HSPG2: variants seen among roughly 807,000 people sequenced by gnomAD.
HSPG2 encodes the protein heparan sulfate proteoglycan 2, also known as basement membrane-specific heparan sulfate proteoglycan core protein.
HSPG2 carries 278 observed loss-of-function variants against 526.6 expected under a neutral mutation model. The observed-to-expected ratio is 0.53, with a 90% CI of 0.48 to 0.58. HSPG2 has a LOEUF of 0.58. Among genes scored for constraint, HSPG2 ranks in the 20% least tolerant of loss-of-function variants. HSPG2 has a pLI of 0.00. For missense variants in HSPG2, 5,354 were observed against 6,099.5 expected (o/e 0.88, Z 4.07); for synonymous variants, 2,465 against 2,555.4 (o/e 0.96, Z 1.07).
chr1:21,853,109 G>A, intron 50 of HSPG2, 39 bp from the exon 51 acceptor site: 1 of 1,612,186 alleles, frequency 6.2e-7, no homozygotes, highest in African/African-American at 1.3e-5. Flanking sequence ...TGAACTCTTG[G>A]GCTGTAACCT....
At chr1:21,857,519 A>ACCTC in intron 42 of HSPG2, 134 bp from the exon 43 acceptor site, 1 of 797,478 alleles carries the variant, frequency 1.3e-6, no homozygotes, top group Non-Finnish European at 2.1e-6. Flanking sequence ...ACCCCCTGGC[A>ACCTC]CCTCCCTCCC....
intron 1 of HSPG2, among the ~76,000 whole-genome samples, chr1:21,912,503 A>G (rs983245249): frequency 1.3e-5 from 2 of 152,204 alleles, no homozygotes; most frequent in Admixed American, 1.3e-4. Flanking sequence ...GGGATCACCT[A>G]GCCAACACCC....
At chr1:21,911,387 C>A (rs971273033) in intron 1 of HSPG2, among the ~76,000 whole-genome samples, 4 of 149,542 alleles carry the variant, frequency 2.7e-5, no homozygotes, top group African/African-American at 9.8e-5. Flanking sequence ...GAAGTCACCT[C>A]TGGCCCTCCT....
At chr1:21,841,805 C>T in intron 69 of HSPG2, 132 bp from the exon 70 acceptor site, 1 of 1,339,822 alleles carries the variant, frequency 7.5e-7, no homozygotes, top group South Asian at 1.2e-5. Flanking sequence ...CATGGAGTCG[C>T]AGATAGCAGA....
chr1:21,848,929 G>T lies in HSPG2; in HGVS notation c.7549C>A (p.Leu2517Ile). Residue 2517 changes from leucine to isoleucine, a missense_variant, in exon 58 of 97, where the codon CTT becomes ATT. Coordinates refer to ENST00000374695, the MANE Select transcript of HSPG2 (RefSeq NM_005529.7). This position sits in a 1 kb window ranked among gnomAD's most constrained non-coding sequence, Gnocchi z 4.9. ...GSSGTQEASVLVTIQQRLSGS... is the reference protein window; with the variant it reads ...GSSGTQEASVIVTIQQRLSGS... ...CTAAGGCGCTGCTGGATGGTGACAA[G>T]GACTGAGGCTTCCTGGGTACCTGAG... 6.2e-7 allele frequency: 1 copy of T among 1,613,920 alleles called. No individual in the cohort carries two copies. The highest frequency in any genetic ancestry group is 8.5e-7 in the Non-Finnish European group (1 of 1,180,008).
Position 21,847,886 on chromosome 1 carries a change from G to T in HSPG2, c.7874-46C>A. On this transcript the variant is annotated intron_variant, in intron 60 of 96. Coordinates refer to ENST00000374695, the MANE Select transcript of HSPG2 (RefSeq NM_005529.7). The surrounding 1 kb of genome is among the most constrained non-coding windows in gnomAD (Gnocchi z 4.1). ...ACCACGCAGCCAGAGTGAGATAACA[G>T]TGATGGCACCGGGGACCTCTCTGCC... The T allele has an allele frequency of 1.2e-6, 2 of 1,613,818 alleles. No individual in the cohort carries two copies. The highest frequency in any genetic ancestry group is 1.7e-6 in the Non-Finnish European group (2 of 1,179,986).
At position 21,878,586 on chromosome 1, in the gene HSPG2, C is replaced by A. The variant is rs140392638; in HGVS notation, c.2549G>T (p.Arg850Leu). The A allele has an allele frequency of 1.5e-5, 24 of 1,614,108 alleles. No homozygotes were observed. The Admixed American group carries it at 3.8e-4, about 26-fold the overall frequency. The change falls in exon 19 of 97, where the codon CGC becomes CTC. Residue 850 changes from arginine to leucine, a missense_variant. Coordinates refer to ENST00000374695, the MANE Select transcript of HSPG2 (RefSeq NM_005529.7). ...DACAPGYTGR[R>L]CESCAPGYEG... ...CAAGGCTCTCCCTCACCTCTCACAG[C>A]GGCGGCCAGTGTAGCCTGGGGCACA...
chr1:21,837,268 GAA>G (rs2098030273), intron 74 of HSPG2, among the ~76,000 whole-genome samples: 1 of 152,190 alleles, frequency 6.6e-6, no homozygotes, highest in African/African-American at 2.4e-5. Flanking sequence ...GGCAGGCCAC[GAA>G]AAGAGTGGGA....
chr1:21,907,766 G>A (rs555263442), intron 1 of HSPG2, among the ~76,000 whole-genome samples: 2 of 152,168 alleles, frequency 1.3e-5, no homozygotes, highest in South Asian at 2.1e-4. Flanking sequence ...CTCCTGCCTC[G>A]GCCTCCTAAA....
chr1:21,868,779 C>T (rs910427335), intron 33 of HSPG2: 7 of 200,466 alleles, frequency 3.5e-5, no homozygotes, highest in African/African-American at 1.2e-4. Flanking sequence ...CTCTACCCAC[C>T]GTGAGCCTCG....
Position 21,851,889 on chromosome 1 carries a change from G to C in HSPG2, c.6908C>G (p.Pro2303Arg). 1.4e-5 allele frequency: 22 copies of C among 1,611,374 alleles called. No homozygotes were observed. The highest frequency in any genetic ancestry group is 1.8e-5 in the Non-Finnish European group (21 of 1,179,228). Residue 2303 changes from proline (P) to arginine (R), a missense_variant, in exon 54 of 97, where the codon CCT becomes CGT. Pro to Arg is a moderately radical substitution (Grantham distance 103). Coordinates refer to ENST00000374695, the MANE Select transcript of HSPG2 (RefSeq NM_005529.7). ...GCAGACGTACTGTCCCGCATCGGCAGGTGAGGCCTGGAAGATGTACAGGCG... is the reference window on the plus strand; with the variant it reads ...GCAGACGTACTGTCCCGCATCGGCACGTGAGGCCTGGAAGATGTACAGGCG... ...GSRLYIFQASPADAGQYVCRA... is the reference protein window; with the variant it reads ...GSRLYIFQASRADAGQYVCRA...
At position 21,865,690 on chromosome 1, in the gene HSPG2, C is replaced by T; in HGVS notation, c.4314+27G>A. ...CTGGCTTCCATCCTGCCCTTCTGCC[C>T]ACCCAGCATGGTGTCCAAATGCTCA... is the stretch of plus-strand genomic sequence containing the variant. On this transcript the variant is annotated intron_variant, in intron 34 of 96. Transcript: ENST00000374695. The surrounding 1 kb of genome is among the most constrained non-coding windows in gnomAD (Gnocchi z 5.4). 1.9e-6 allele frequency: 3 copies of T among 1,580,748 alleles called. No individual in the cohort carries two copies. Among genetic ancestry groups the T allele is most frequent in the Non-Finnish European group, 2.6e-6 (3 of 1,150,004 alleles).
rs2097988228 is a variant in HSPG2 at position 21,828,743 on chromosome 1, A to C, written c.12237+92T>G. On this transcript the variant is annotated intron_variant, in intron 88 of 96. Transcript: ENST00000374695. This position sits in a 1 kb window ranked among gnomAD's most constrained non-coding sequence, Gnocchi z 6.0. The stretch of plus-strand genomic sequence containing the variant: ...AGGGCCCGTGGGTGGCTGCAGGTGG[A>C]GGGGCCCAATGCCAAGGTGCTTGGA... 2 of 1,523,872 alleles carry C rather than the reference A, an allele frequency of 1.3e-6. No individual in the cohort carries two copies. The highest frequency in any genetic ancestry group is 2.5e-5 in the East Asian group (1 of 40,738). The allele number at this position is 1,523,872 out of a possible 1,614,324, so 94.4% of individuals were successfully genotyped here.
In HSPG2 at chr1:21,827,897, C is replaced by G. The variant is rs769946885; in HGVS notation, c.12555G>C (p.Glu4185Asp). The change falls in exon 91 of 97, where the codon GAG becomes GAC. Residue 4185 changes from glutamate (E) to aspartate (D), a missense_variant. Transcript: ENST00000374695. ...CGCTGCCTTCAAGATGCCAGTCGGA[C>G]TCTGCTATGCCATGTCCAGAGCCTA... Reference protein sequence around the residue: ...CQQGSGHGIAESDWHLEGSGG... With the variant: ...CQQGSGHGIADSDWHLEGSGG... 12 of 1,597,568 alleles carry G rather than the reference C, an allele frequency of 7.5e-6. No individual in the cohort carries two copies. In the South Asian group the frequency reaches 1.4e-4, roughly 18 times the overall value.
intron 76 of HSPG2, 54 bp from the exon 77 acceptor site, chr1:21,834,999 C>G (rs202077195): frequency 6.3e-7 from 1 of 1,596,380 alleles, no homozygotes; most frequent in East Asian, 2.2e-5. Context: ...AGGCCTGGCC[C>G]GAGGGAGGCC....
chr1:21,837,257 G>A (rs1033822432), intron 74 of HSPG2, among the ~76,000 whole-genome samples: 1 of 152,226 alleles, frequency 6.6e-6, no homozygotes, highest in Non-Finnish European at 1.5e-5. Flanking sequence ...TGGGTGGGGA[G>A]GGCAGGCCAC....
At position 21,893,850 on chromosome 1, in the gene HSPG2, T is replaced by G. The variant is rs1344617746; in HGVS notation, c.244+2072A>C. On this transcript the variant is annotated intron_variant, in intron 3 of 96. Transcript: ENST00000374695. The surrounding 1 kb of genome is among the most constrained non-coding windows in gnomAD (Gnocchi z 4.3). ...TGAGAGAGAAAAGGTAAGACAAAGGTGAAGAAAAAGGCAGAGGGAAAAAGA... is the reference window on the plus strand; with the variant it reads ...TGAGAGAGAAAAGGTAAGACAAAGGGGAAGAAAAAGGCAGAGGGAAAAAGA... Among the ~76,000 whole-genome samples the G allele has an allele frequency of 1.2e-3, 133 of 113,508 alleles. No individual in the cohort carries two copies. The highest frequency in any genetic ancestry group is 6.7e-3 in the Middle Eastern group (1 of 150). 74.5% of individuals were successfully genotyped at this position (113,508 alleles called of 152,430 possible). A position where few individuals can be genotyped will look rare whatever the true frequency, so the allele number is the denominator to read the frequency against.
chr1:21,935,367 C>T (rs531385300), intron 1 of HSPG2, among the ~76,000 whole-genome samples: 9 of 152,290 alleles, frequency 5.9e-5, no homozygotes, highest in African/African-American at 1.9e-4. Flanking sequence ...TCTAAATTAC[C>T]GCCCACCAGC....
chr1:21,922,552 C>T (rs1461758638), intron 1 of HSPG2, among the ~76,000 whole-genome samples: 1 of 152,124 alleles, frequency 6.6e-6, no homozygotes, highest in Admixed American at 6.6e-5. Context: ...CATCCCCCCA[C>T]CACTTGAAGT....
Sources: allele counts gnomAD v4.1 joint callset (sites outside exome capture counted in the v4.1 genomes callset), GRCh38; gene constraint gnomAD v4.1.1; non-coding constraint Gnocchi (gnomAD v3.1); transcripts MANE v1.5; gene names NCBI Gene and HGNC (gene_info 2026-07-23, HGNC 2026-07-21).